Variants in CEP83 observed in about 807,000 individuals in gnomAD.
CEP83 encodes centrosomal protein of 83 kDa.
CEP83 carries 70 observed loss-of-function variants against 101.9 expected under a neutral mutation model. The observed-to-expected ratio is 0.69, with a 90% CI of 0.57 to 0.84. The LOEUF (loss-of-function observed/expected upper bound fraction) is 0.84. Ranked by LOEUF, CEP83 falls within the 40% of genes least tolerant of loss-of-function variation. The probability of loss-of-function intolerance (pLI) is 0.00; values close to 1 mark genes in which losing one functional copy is unlikely to be tolerated. For missense variants in CEP83, 715 were observed against 787.2 expected (o/e 0.91, Z 1.10); for synonymous variants, 264 against 267.9 (o/e 0.99, Z 0.14).
rs1028443418 is a variant in CEP83, at chr12:94,362,660, C to T, written c.1343+5134G>A. 4.6e-5 allele frequency among the ~76,000 whole-genome samples: 7 copies of T among 152,004 alleles called. No homozygotes were observed. In the East Asian group the frequency reaches 1.3e-3, roughly 29 times the overall value. ...TCAAAAAAAACTGAAACAGAACTAC[C>T]ACAGGACCCAGAAATTCCACAACTG... On this transcript the variant is annotated intron_variant, in intron 11 of 16. Coordinates refer to ENST00000397809, the MANE Select transcript of CEP83 (RefSeq NM_016122.3).
chr12:94,459,695 T>C lies in CEP83; in HGVS notation c.-293A>G, dbSNP rs1208204042. 6.6e-6 allele frequency: 1 copy of C among 152,636 alleles called. No homozygotes were observed. The highest frequency in any genetic ancestry group is 1.5e-5 in the Non-Finnish European group (1 of 68,286). 9.5% of individuals were successfully genotyped at this position (152,636 alleles called of 1,614,324 possible). Reference sequence around the variant, plus strand: ...ACTCCGCTTACGGAGGCATTGGGACTAAGGGTTACGGTCCTACAGCGGGGT... The same window carrying C: ...ACTCCGCTTACGGAGGCATTGGGACCAAGGGTTACGGTCCTACAGCGGGGT... On this transcript the variant is annotated 5_prime_UTR_variant, in exon 1 of 17. Coordinates refer to ENST00000397809, the MANE Select transcript of CEP83 (RefSeq NM_016122.3).
intron 2 of CEP83, chr12:94,423,770 C>A (rs2064967038): frequency 3.1e-6 from 5 of 1,613,524 alleles, no homozygotes; most frequent in Non-Finnish European, 3.4e-6. Context: ...AAAGAATAGA[C>A]CCCATGCTCT....
the CEP83 span, among the ~76,000 whole-genome samples, chr12:94,295,352 T>C: frequency 5.3e-5 from 8 of 152,330 alleles, no homozygotes; most frequent in African/African-American, 1.9e-4. Context: ...CATCACTATA[T>C]GGGGCTGTGG....
intron 2 of CEP83, chr12:94,423,950 AGG>A (rs1234798666): frequency 6.2e-7 from 1 of 1,612,558 alleles, no homozygotes; most frequent in Non-Finnish European, 8.5e-7. Context: ...TTGCTGGGTA[AGG>A]GGTCCCATCA....
chr12:94,383,389 A>T (rs2137248727), intron 6 of CEP83, among the ~76,000 whole-genome samples: 1 of 152,226 alleles, frequency 6.6e-6, no homozygotes, highest in Middle Eastern at 3.4e-3. Flanking sequence ...ACCCTGACTT[A>T]TGATGGTTCA....
chr12:94,340,095 C>T (rs931865834), intron 11 of CEP83, among the ~76,000 whole-genome samples: 2 of 152,002 alleles, frequency 1.3e-5, no homozygotes, highest in Non-Finnish European at 2.9e-5. Flanking sequence ...CAAAGAAATC[C>T]AAACTGATGA....
chr12:94,344,342 T>C (rs553319417), intron 11 of CEP83, among the ~76,000 whole-genome samples: 1 of 152,274 alleles, frequency 6.6e-6, no homozygotes, highest in South Asian at 2.1e-4. Flanking sequence ...TAAATACTCT[T>C]ACCAATAAGA....
chr12:94,274,132 G>A, the CEP83 span, among the ~76,000 whole-genome samples: 5 of 122,152 alleles, frequency 4.1e-5, no homozygotes, highest in Non-Finnish European at 7.9e-5. Flanking sequence ...ACTAGCCTGG[G>A]CAACACAGCA....
chr12:94,348,343 G>C (rs903155731), intron 11 of CEP83, among the ~76,000 whole-genome samples: 3 of 152,100 alleles, frequency 2.0e-5, no homozygotes, highest in Non-Finnish European at 4.4e-5. Flanking sequence ...ACAAGAAGCT[G>C]CCAAAGAACT....
At chr12:94,458,321 C>T (rs1336093394) in intron 1 of CEP83, among the ~76,000 whole-genome samples, 1 of 152,182 alleles carries the variant, frequency 6.6e-6, no homozygotes, top group Non-Finnish European at 1.5e-5. Flanking sequence ...CCGCGCACTT[C>T]ATCTGATCTG....
At chr12:94,277,833 T>C in the CEP83 span, 6 of 415,430 alleles carry the variant, frequency 1.4e-5, no homozygotes, top group South Asian at 1.0e-4. Context: ...AGCCCTTGAA[T>C]GCATGATCAC....
intron 14 of CEP83, among the ~76,000 whole-genome samples, chr12:94,320,221 G>T (rs1241504470): frequency 6.6e-6 from 1 of 152,024 alleles, no homozygotes; most frequent in African/African-American, 2.4e-5. Context: ...CATTTATTTT[G>T]AGCCTATGGG....
chr12:94,424,019 G>A (rs1329937681), intron 2 of CEP83: 16 of 1,612,900 alleles, frequency 9.9e-6, no homozygotes, highest in Non-Finnish European at 1.3e-5. Context: ...AACTGAACCT[G>A]AAGGCTGCAT....
chr12:94,373,071 C>G (rs1355379803), intron 8 of CEP83, among the ~76,000 whole-genome samples: 1 of 152,092 alleles, frequency 6.6e-6, no homozygotes, highest in Non-Finnish European at 1.5e-5. Context: ...CCCCTAGATC[C>G]TTGGTTCTTA....
chr12:94,279,841 C>T, the CEP83 span: 6 of 700,330 alleles, frequency 8.6e-6, no homozygotes, highest in South Asian at 4.5e-5. Flanking sequence ...CCTGATTCTT[C>T]GAAGGAAGCA....
Position 94,308,895 on chromosome 12 carries a change from A to T in CEP83, c.2024T>A (p.Leu675His). Residue 675 changes from leucine (L) to histidine (H), a missense_variant, in exon 17 of 17, where the codon CTC becomes CAC. By Grantham distance (99) the Leu-to-His change is moderately conservative. Transcript: ENST00000397809. The stretch of plus-strand genomic sequence containing the variant: ...TTCTAGTCTTTTGCGAAGTAGAGAG[A>T]GTTCCCTTTGATGTTGTTCCTCCTT... ...HMQEEQHQRE[L>H]SLLRKRLEEL... The T allele has an allele frequency of 6.2e-7, 1 of 1,611,696 alleles. No homozygotes were observed. The highest frequency in any genetic ancestry group is 8.5e-7 in the Non-Finnish European group (1 of 1,178,020).
chr12:94,380,497 T>C (rs1235075400), intron 6 of CEP83, among the ~76,000 whole-genome samples: 1 of 152,204 alleles, frequency 6.6e-6, no homozygotes, highest in Non-Finnish European at 1.5e-5. Flanking sequence ...AAATAACTAT[T>C]ACTTCCTGGT....
chr12:94,274,678 A>G, the CEP83 span, among the ~76,000 whole-genome samples: 1 of 152,190 alleles, frequency 6.6e-6, no homozygotes, highest in East Asian at 1.9e-4. Flanking sequence ...ATGCCATCCC[A>G]TCGATTTGGA....
the CEP83 span, among the ~76,000 whole-genome samples, chr12:94,282,620 T>C: frequency 6.6e-6 from 1 of 152,222 alleles, no homozygotes; most frequent in Non-Finnish European, 1.5e-5. Flanking sequence ...AGGCTATGAT[T>C]TTCTATCTCC....
Sources: gnomAD v4.1 joint callset for allele counts (sites outside exome capture counted in the v4.1 genomes callset) on GRCh38, gnomAD v4.1.1 for gene constraint, MANE v1.5 for transcripts, NCBI Gene and HGNC (gene_info 2026-07-23, HGNC 2026-07-21) for gene names.